The following KIAA0319 variants were observed in gnomAD, a reference collection of about 807,000 sequenced individuals.
KIAA0319 encodes KIAA0319, also known as dyslexia-associated protein KIAA0319.
A neutral mutation model predicts 108.4 loss-of-function variants in KIAA0319; 83 were observed. That is an observed-to-expected ratio of 0.77 (90% CI 0.64 to 0.92). The LOEUF is 0.92. Among genes scored for constraint, KIAA0319 ranks in the 40% least tolerant of loss-of-function variants. The pLI is 0.00. For synonymous variants in KIAA0319, 484 were observed against 510.4 expected, an observed-to-expected ratio of 0.95 and a Z score of 0.70; for missense variants, 1,195 against 1,322.4, an observed-to-expected ratio of 0.90 and a Z score of 1.49.
At chr6:24,567,529 C>T (rs1308949070) in intron 13 of KIAA0319, among the ~76,000 whole-genome samples, 1 of 151,846 alleles carries the variant, frequency 6.6e-6, no homozygotes, top group Non-Finnish European at 1.5e-5. Flanking sequence ...AGACCCGTCT[C>T]CACACACACA....
chr6:24,551,369 CCCTCAGG>C, intron 20 of KIAA0319, 58 bp downstream of exon 20: 1 of 1,066,524 alleles, frequency 9.4e-7, no homozygotes, highest in Non-Finnish European at 1.5e-6. Flanking sequence ...TCCAAGTTAG[CCCTCAGG>C]CCTACCTAGG....
intron 19 of KIAA0319, 37 bp from the exon 20 acceptor site, chr6:24,551,562 AG>A: frequency 7.2e-7 from 1 of 1,382,424 alleles, no homozygotes; most frequent in Admixed American, 1.7e-5. Context: ...TCAGATCTTT[AG>A]AAAGGTAACT....
At chr6:24,591,203 A>G (rs1465986409) in intron 3 of KIAA0319, among the ~76,000 whole-genome samples, 4 of 152,182 alleles carry the variant, frequency 2.6e-5, no homozygotes, top group South Asian at 2.1e-4. Context: ...ACAAGTTTCT[A>G]TATGGACATG....
chr6:24,551,734 C>A (rs1163984222), intron 19 of KIAA0319, among the ~76,000 whole-genome samples: 2 of 152,166 alleles, frequency 1.3e-5, no homozygotes, highest in Non-Finnish European at 2.9e-5. Flanking sequence ...GTATAAACAG[C>A]CACATCACTC....
intron 1 of KIAA0319, among the ~76,000 whole-genome samples, chr6:24,645,023 G>T (rs1777436130): frequency 6.6e-6 from 1 of 152,154 alleles, no homozygotes. Flanking sequence ...ATAAATTGAA[G>T]CATTTGGAAA....
intron 1 of KIAA0319, among the ~76,000 whole-genome samples, chr6:24,608,303 A>C (rs201903870): frequency 4.6e-5 from 7 of 151,934 alleles, no homozygotes; most frequent in Non-Finnish European, 1.0e-4. Context: ...GGAAACCATG[A>C]ATAAATGTTC....
chr6:24,567,074 A>G (rs2127452273), intron 13 of KIAA0319, among the ~76,000 whole-genome samples: 1 of 152,322 alleles, frequency 6.6e-6, no homozygotes. Flanking sequence ...GGGTATTGAA[A>G]GTGGCAATAT....
intron 2 of KIAA0319, among the ~76,000 whole-genome samples, chr6:24,597,355 G>GCCTCCAACT (rs1180281546): frequency 6.6e-6 from 1 of 152,218 alleles, no homozygotes; most frequent in Non-Finnish European, 1.5e-5. Context: ...TAAGGCAGAA[G>GCCTCCAACT]CCTCCAACTC....
intron 1 of KIAA0319, among the ~76,000 whole-genome samples, chr6:24,608,096 CA>C (rs1771691203): frequency 6.6e-6 from 1 of 151,964 alleles, no homozygotes; most frequent in African/African-American, 2.4e-5. Context: ...ATACAGAAAA[CA>C]TAATAGAGGA....
Position 24,599,833 on chromosome 6 carries a change from C to A in KIAA0319, c.55+1216G>T. ...CCCAGCCTACCCCCTCCTGTGACTG[C>A]CCCAGAGCCTGTGGGGGAGGCCACT... On this transcript the variant is annotated intron_variant, in intron 2 of 20. Coordinates refer to ENST00000378214, the MANE Select transcript of KIAA0319 (RefSeq NM_014809.4). The surrounding 1 kb of genome is among the most constrained non-coding windows in gnomAD (Gnocchi z 4.1). 2.2e-6 allele frequency: 1 copy of A among 447,076 alleles called. No individual in the cohort carries two copies. 27.7% of individuals were successfully genotyped at this position (447,076 alleles called of 1,614,324 possible).
intron 10 of KIAA0319, among the ~76,000 whole-genome samples, chr6:24,572,945 G>A (rs189210209): frequency 6.1e-4 from 93 of 152,062 alleles, no homozygotes; most frequent in Admixed American, 5.1e-3. Flanking sequence ...GTGGAACCCC[G>A]TCTCTACTAA....
intron 20 of KIAA0319, 81 bp downstream of exon 20, chr6:24,551,353 C>T: frequency 2.2e-6 from 2 of 924,316 alleles, no homozygotes; most frequent in South Asian, 2.7e-5. Context: ...AATCGTTCTC[C>T]CTCTATCCAA....
intron 1 of KIAA0319, among the ~76,000 whole-genome samples, chr6:24,606,690 A>C (rs1771456083): frequency 6.6e-6 from 1 of 152,208 alleles, no homozygotes. Flanking sequence ...GGGCCCCAGA[A>C]TACCCAGCTA....
In KIAA0319 at chr6:24,546,887, T is replaced by A. The variant is rs1760700693; in HGVS notation, c.*278A>T. The A allele has an allele frequency of 3.3e-6, 1 of 304,422 alleles. No homozygotes were observed. Among genetic ancestry groups the A allele is most frequent in the African/African-American group, 2.1e-5 (1 of 47,760 alleles). The allele number at this position is 304,422 out of a possible 1,614,324, so 18.9% of individuals were successfully genotyped here. ...GATAGAAATCGTTGTTCATCTTTAA[T>A]ATGAGATTGTGCCAGCTACAAAAAC... On this transcript the variant is annotated 3_prime_UTR_variant, in exon 21 of 21. Transcript: ENST00000378214.
At chr6:24,567,747 G>T (rs1363820957) in intron 13 of KIAA0319, among the ~76,000 whole-genome samples, 3 of 152,146 alleles carry the variant, frequency 2.0e-5, no homozygotes, top group Admixed American at 6.5e-5. Flanking sequence ...CATTTCTGAT[G>T]TAATAACTTC....
At chr6:24,615,931 G>C (rs959415169) in intron 1 of KIAA0319, among the ~76,000 whole-genome samples, 1 of 152,146 alleles carries the variant, frequency 6.6e-6, no homozygotes, top group Non-Finnish European at 1.5e-5. Context: ...GTATATCAAA[G>C]AGGGAGTCCC....
At position 24,554,526 on chromosome 6, in the gene KIAA0319, A is replaced by C; in HGVS notation, c.2948+15T>G. 6.3e-7 allele frequency: 1 copy of C among 1,590,106 alleles called. No homozygotes were observed. Among genetic ancestry groups the C allele is most frequent in the Non-Finnish European group, 8.6e-7 (1 of 1,158,686 alleles). Reference sequence around the variant, plus strand: ...TGTAGGGTCTCTATTTCCCAGGAATAAGCACTCTAGGTACCTTTTGCAGCA... The same window carrying C: ...TGTAGGGTCTCTATTTCCCAGGAATCAGCACTCTAGGTACCTTTTGCAGCA... On this transcript the variant is annotated intron_variant, in intron 19 of 20. Coordinates refer to ENST00000378214, the MANE Select transcript of KIAA0319 (RefSeq NM_014809.4).
At chr6:24,630,706 C>T (rs78476521) in intron 1 of KIAA0319, among the ~76,000 whole-genome samples, 8,589 of 61,822 alleles carry the variant, frequency 0.14, 394 homozygotes, top group African/African-American at 0.17. Flanking sequence ...TATATATACA[C>T]ATATACACAC....
At chr6:24,553,136 T>G (rs1261987399) in intron 19 of KIAA0319, among the ~76,000 whole-genome samples, 2 of 151,808 alleles carry the variant, frequency 1.3e-5, no homozygotes, top group Admixed American at 6.6e-5. Flanking sequence ...AGTTTCAAAT[T>G]TATTAAAAAT....
Sources: gnomAD v4.1 joint callset for allele counts (sites outside exome capture counted in the v4.1 genomes callset) on GRCh38, gnomAD v4.1.1 for gene constraint, Gnocchi (gnomAD v3.1) non-coding constraint, MANE v1.5 for transcripts, NCBI Gene and HGNC (gene_info 2026-07-23, HGNC 2026-07-21) for gene names.